The following RBM17 variants were observed in gnomAD, a reference collection of about 807,000 sequenced individuals.
The protein encoded by RBM17 is splicing factor 45.
RBM17 carries 7 observed loss-of-function variants against 53.2 expected under a neutral mutation model. The ratio of observed to expected loss-of-function variants is 0.13; its 90% confidence interval spans 0.07 to 0.25. The LOEUF (loss-of-function observed/expected upper bound fraction) is 0.25. Among genes scored for constraint, RBM17 ranks in the 10% least tolerant of loss-of-function variants. The pLI, the probability that RBM17 is intolerant of heterozygous loss-of-function variation, is 1.00. For missense variants in RBM17, 257 were observed against 496.7 expected (o/e 0.52, Z 4.59); for synonymous variants, 167 against 178.1 (o/e 0.94, Z 0.50).
At chr10:6,091,994 C>T (rs746663425) in intron 1 of RBM17, among the ~76,000 whole-genome samples, 23 of 152,168 alleles carry the variant, frequency 1.5e-4, no homozygotes, top group Non-Finnish European at 2.8e-4. Context: ...AAAATACTTT[C>T]CAGCTTGGGT....
chr10:6,093,669 T>C (rs149555873), intron 1 of RBM17, among the ~76,000 whole-genome samples: 1 of 152,246 alleles, frequency 6.6e-6, no homozygotes, highest in Non-Finnish European at 1.5e-5. Flanking sequence ...ATAAACACTT[T>C]CGGTAAAGTT....
At chr10:6,092,912 T>G (rs933047717) in intron 1 of RBM17, among the ~76,000 whole-genome samples, 1 of 152,250 alleles carries the variant, frequency 6.6e-6, no homozygotes, top group African/African-American at 2.4e-5. Context: ...CTGAAACTTT[T>G]GCGCAATGCA....
rs114427503 is a variant in RBM17 at position 6,092,329 on chromosome 10, T to C, written c.-19+3136T>C. ...GTTTGGGTCTTGGCAGTCTTATTAA[T>C]GTACTTATTACATTTCAGTAGTTGC... On this transcript the variant is annotated intron_variant, in intron 1 of 11. Transcript: ENST00000379888. Among the ~76,000 whole-genome samples, 505 of 152,336 alleles carry C rather than the reference T, an allele frequency of 3.3e-3. 6 individuals carry two copies. The highest frequency in any genetic ancestry group is 0.012 in the African/African-American group (486 of 41,574).
At chr10:6,113,405 AT>A (rs1320106974) in intron 8 of RBM17, 102 bp from the exon 9 acceptor site, 17 of 792,058 alleles carry the variant, frequency 2.1e-5, no homozygotes, top group Non-Finnish European at 3.4e-5. Context: ...GGGGATCGCT[AT>A]TGAAATTAAA....
At chr10:6,113,683 T>C (rs936553564) in intron 9 of RBM17, 102 bp downstream of exon 9, 1 of 791,258 alleles carries the variant, frequency 1.3e-6, no homozygotes, top group Admixed American at 2.2e-5. Context: ...AATGATACTT[T>C]TGCAAATAAT....
At chr10:6,104,477 A>G (rs908873222) in intron 3 of RBM17, among the ~76,000 whole-genome samples, 2 of 152,232 alleles carry the variant, frequency 1.3e-5, no homozygotes, top group Non-Finnish European at 2.9e-5. Context: ...ATATATTCTT[A>G]TCTCCATGTA....
chr10:6,089,629 G>C lies in RBM17; in HGVS notation c.-19+436G>C, dbSNP rs1346969371. On this transcript the variant is annotated intron_variant, in intron 1 of 11. Coordinates refer to ENST00000379888, the MANE Select transcript of RBM17 (RefSeq NM_032905.5). This position sits in a 1 kb window ranked among gnomAD's most constrained non-coding sequence, Gnocchi z 5.6. ...GGGGCTCGGAGCCGGTTCCTCCCGG[G>C]GTCTCAGAACTGGGAGTGCAGACGT... 6.6e-6 allele frequency: 1 copy of C among 152,606 alleles called. No individual in the cohort carries two copies. The highest frequency in any genetic ancestry group is 2.4e-5 in the African/African-American group (1 of 41,460). The allele number at this position is 152,606 out of a possible 1,614,324, so 9.5% of individuals were successfully genotyped here.
intron 6 of RBM17, among the ~76,000 whole-genome samples, chr10:6,109,740 A>T (rs1311885183): frequency 6.6e-6 from 1 of 152,236 alleles, no homozygotes; most frequent in Non-Finnish European, 1.5e-5. Flanking sequence ...TTTCAGTAAG[A>T]TATAAAAAAG....
rs1326396027 is a variant in RBM17, at chr10:6,112,963, A to G, written c.857-545A>G. On this transcript the variant is annotated intron_variant, in intron 8 of 11. Coordinates refer to ENST00000379888, the MANE Select transcript of RBM17 (RefSeq NM_032905.5). The surrounding 1 kb of genome is among the most constrained non-coding windows in gnomAD (Gnocchi z 4.4). ...CATATGTTAGCATTTTAATCAGGGA[A>G]TTAAGTTTGAGTCAGCCTAGCTGAA... is the stretch of plus-strand genomic sequence containing the variant. 5.9e-6 allele frequency: 1 copy of G among 168,254 alleles called. No homozygotes were observed. Among genetic ancestry groups the G allele is most frequent in the Non-Finnish European group, 1.3e-5 (1 of 76,256 alleles). The allele number at this position is 168,254 out of a possible 1,614,324, so 10.4% of individuals were successfully genotyped here.
intron 8 of RBM17, chr10:6,113,233 T>C (rs912430285): frequency 2.0e-5 from 6 of 306,566 alleles, no homozygotes; most frequent in African/African-American, 4.4e-5. Context: ...CTGTCAGCCC[T>C]TTGGGAAGTG....
chr10:6,106,098 T>C, intron 4 of RBM17, 43 bp from the exon 5 acceptor site: 1 of 1,379,326 alleles, frequency 7.2e-7, no homozygotes, highest in Non-Finnish European at 1.0e-6. Flanking sequence ...GGTCTCTAAA[T>C]TGGTTCATCT....
At chr10:6,098,555 G>GGTTTTTT (rs1417501809) in intron 2 of RBM17, among the ~76,000 whole-genome samples, 1 of 70,078 alleles carries the variant, frequency 1.4e-5, no homozygotes, top group South Asian at 5.1e-4. Context: ...GTAATACACA[G>GGTTTTTT]GTTTTTTGTT....
intron 1 of RBM17, among the ~76,000 whole-genome samples, chr10:6,091,029 A>T (rs118076095): frequency 0.025 from 3,479 of 141,516 alleles, 102 homozygotes; most frequent in African/African-American, 0.072. Context: ...ATTTATATAT[A>T]TTTATATATT....
In RBM17 at chr10:6,102,883, T is replaced by G. The variant is rs1441154350; in HGVS notation, c.240+1496T>G. ...GGTGCAATCTTGGCTCACTGCAGCC[T>G]CCTCCTCCTGGGCTCAAGCGATCCT... is the stretch of plus-strand genomic sequence containing the variant. On this transcript the variant is annotated intron_variant, in intron 3 of 11. Transcript: ENST00000379888. 2.6e-5 allele frequency among the ~76,000 whole-genome samples: 4 copies of G among 152,292 alleles called. No homozygotes were observed. In the East Asian group the frequency reaches 7.7e-4, roughly 29 times the overall value.
chr10:6,090,309 A>G (rs911178223), intron 1 of RBM17, among the ~76,000 whole-genome samples: 5 of 152,230 alleles, frequency 3.3e-5, no homozygotes, highest in African/African-American at 1.2e-4. Context: ...TTTTAAAAGG[A>G]TGCAACACAA....
At chr10:6,108,607 T>C (rs1840790403) in intron 5 of RBM17, 79 bp from the exon 6 acceptor site, 4 of 1,117,028 alleles carry the variant, frequency 3.6e-6, no homozygotes, top group Non-Finnish European at 5.3e-6. Context: ...GGGTGGGTGA[T>C]AGATATATGG....
chr10:6,092,332 A>G (rs1840498784), intron 1 of RBM17, among the ~76,000 whole-genome samples: 1 of 152,226 alleles, frequency 6.6e-6, no homozygotes, highest in Non-Finnish European at 1.5e-5. Context: ...TTATTAATGT[A>G]CTTATTACAT....
Position 6,115,330 on chromosome 10 carries a change from T to C in RBM17, c.1102+19T>C, listed in dbSNP as rs751884933. Reference sequence around the variant, plus strand: ...ATTAAAGGTTAGTGGTACAGCTAAATATTAAAGAATAAAAAAGTTGAATTT... The same window carrying C: ...ATTAAAGGTTAGTGGTACAGCTAAACATTAAAGAATAAAAAAGTTGAATTT... On this transcript the variant is annotated intron_variant, in intron 11 of 11. Coordinates refer to ENST00000379888, the MANE Select transcript of RBM17 (RefSeq NM_032905.5). The C allele has an allele frequency of 4.4e-6, 7 of 1,593,270 alleles. No individual in the cohort carries two copies. In the Admixed American group the frequency reaches 1.2e-4, roughly 27 times the overall value.
rs1221504658 is a variant in RBM17 at position 6,098,556 on chromosome 10, G to GTTTTTTTTTTTTTTTTTTTTTTT, written c.123+1374_123+1375insTTTTTTTTTTTTTTTTTTTTTTT. On this transcript the variant is annotated intron_variant, in intron 2 of 11. Transcript: ENST00000379888. ...GTTTGAAAATTTCCGTAATACACAG[G>GTTTTTTTTTTTTTTTTTTTTTTT]TTTTTTGTTTTTTTTTTTTTTTTTT... is the stretch of plus-strand genomic sequence containing the variant. Among the ~76,000 whole-genome samples the GTTTTTTTTTTTTTTTTTTTTTTT allele has an allele frequency of 1.6e-4, 14 of 87,976 alleles. 3 individuals carry two copies. Among genetic ancestry groups the GTTTTTTTTTTTTTTTTTTTTTTT allele is most frequent in the African/African-American group, 2.8e-4 (7 of 24,768 alleles). 57.7% of individuals were successfully genotyped at this position (87,976 alleles called of 152,430 possible). A position where few individuals can be genotyped will look rare whatever the true frequency, so the allele number is the denominator to read the frequency against.
Sources: allele counts gnomAD v4.1 joint callset (sites outside exome capture counted in the v4.1 genomes callset), GRCh38; gene constraint gnomAD v4.1.1; non-coding constraint Gnocchi (gnomAD v3.1); transcripts MANE v1.5; gene names NCBI Gene and HGNC (gene_info 2026-07-23, HGNC 2026-07-21).